The following LSG1 variants were observed in gnomAD, a reference collection of about 807,000 sequenced individuals.
The protein encoded by LSG1 is large 60S subunit nuclear export GTPase 1.
LSG1 carries 55 observed loss-of-function variants against 82.6 expected under a neutral mutation model. The observed-to-expected ratio is 0.67, with a 90% CI of 0.54 to 0.83. LSG1 has a LOEUF of 0.83. Ranked by LOEUF, LSG1 falls within the 40% of genes least tolerant of loss-of-function variation. The probability of loss-of-function intolerance (pLI) is 0.00; values close to 1 mark genes in which losing one functional copy is unlikely to be tolerated. For missense variants in LSG1, 809 were observed against 807.9 expected, an observed-to-expected ratio of 1.00 and a Z score of -0.02; for synonymous variants, 272 against 282.5, an observed-to-expected ratio of 0.96 and a Z score of 0.37.
rs1282000786 is a variant in LSG1 at position 194,665,415 on chromosome 3, T to G, written c.521+142A>C. The G allele has an allele frequency of 4.1e-5, 22 of 542,484 alleles. 1 individual carries two copies. In the South Asian group the frequency reaches 4.3e-4, roughly 11 times the overall value. The allele number at this position is 542,484 out of a possible 1,614,324, so 33.6% of individuals were successfully genotyped here. ...AAACTATACAAAATATACGGTAGTATCATGCTGTGTTTTTATAATTCTCAG... is the reference window on the plus strand; with the variant it reads ...AAACTATACAAAATATACGGTAGTAGCATGCTGTGTTTTTATAATTCTCAG... On this transcript the variant is annotated intron_variant, in intron 5 of 13. Transcript: ENST00000265245.
intron 2 of LSG1, 126 bp from the exon 3 acceptor site, chr3:194,666,698 T>C: frequency 1.3e-6 from 1 of 744,370 alleles, no homozygotes; most frequent in Non-Finnish European, 2.1e-6. Flanking sequence ...TTGATTTAGA[T>C]TCTTCTAGCC....
chr3:194,649,476 G>A (rs1237540684), intron 10 of LSG1, among the ~76,000 whole-genome samples: 1 of 150,132 alleles, frequency 6.7e-6, no homozygotes, highest in African/African-American at 2.5e-5. Context: ...CTGAGGTCAA[G>A]AGTTTGAGAC....
rs949790299 is a variant in LSG1, at chr3:194,644,566, A to C, written c.1797+7T>G. ...ATCAGAAGTTTAAGAAAAGCTTTAA[A>C]ACTTACTTGATGGAAAAAAGTTTTG... is the stretch of plus-strand genomic sequence containing the variant. On this transcript the variant is annotated splice_region_variant and intron_variant, in intron 13 of 13. Transcript: ENST00000265245. 11 of 1,607,404 alleles carry C rather than the reference A, an allele frequency of 6.8e-6. No homozygotes were observed. In the Admixed American group the frequency reaches 1.7e-4, roughly 25 times the overall value.
chr3:194,670,138 A>AT lies in LSG1; in HGVS notation c.100-4dup, dbSNP rs1719115164. 3 of 1,545,462 alleles carry AT rather than the reference A, an allele frequency of 1.9e-6. 1 individual carries two copies. In the East Asian group the frequency reaches 7.4e-5, roughly 38 times the overall value. ...TCATTGAGTTCACTTGTGTGCAACT[A>AT]TGAAAAAACACAGGGTGATAAATAC... On this transcript the variant is annotated splice_polypyrimidine_tract_variant and splice_region_variant and intron_variant, in intron 1 of 13. Transcript: ENST00000265245.
In LSG1 at chr3:194,672,159, C is replaced by T; in HGVS notation, c.4G>A (p.Gly2Ser). ...CCACCGGCCGGGGCTCTCCTCCGGC[C>T]CATGGCAACACGACCGCTGGACGAA... is the stretch of plus-strand genomic sequence containing the variant. MGRRRAPAGGSL... is the reference protein window; with the variant it reads MSRRRAPAGGSL... The change falls in exon 1 of 14, where the codon GGC (glycine) becomes AGC (serine). Residue 2 changes from glycine (G) to serine (S), a missense_variant. Coordinates refer to ENST00000265245, the MANE Select transcript of LSG1 (RefSeq NM_018385.3). 1.9e-6 allele frequency: 3 copies of T among 1,600,748 alleles called. No individual in the cohort carries two copies. The highest frequency in any genetic ancestry group is 2.5e-6 in the Non-Finnish European group (3 of 1,178,426).
chr3:194,646,153 G>A lies in LSG1; in HGVS notation c.1623+11C>T, dbSNP rs952683368. 6.2e-7 allele frequency: 1 copy of A among 1,613,194 alleles called. No homozygotes were observed. Among genetic ancestry groups the A allele is most frequent in the Admixed American group, 1.7e-5 (1 of 59,968 alleles). ...GTGTATTGGAGAGCATGAGAGGCAG[G>A]GTTCACTTACACTGACATAGTCCTT... On this transcript the variant is annotated intron_variant, in intron 12 of 13. Coordinates refer to ENST00000265245, the MANE Select transcript of LSG1 (RefSeq NM_018385.3).
chr3:194,671,912 G>A lies in LSG1; in HGVS notation c.99+152C>T, dbSNP rs1418593273. On this transcript the variant is annotated intron_variant, in intron 1 of 13. Transcript: ENST00000265245. Reference sequence around the variant, plus strand: ...GTGTTCTGGGCCTTGCCAGGAGGAGGGCCTGCTACTCAGCTTGGCAGAAAC... The same window carrying A: ...GTGTTCTGGGCCTTGCCAGGAGGAGAGCCTGCTACTCAGCTTGGCAGAAAC... 1.9e-5 allele frequency: 13 copies of A among 702,448 alleles called. No individual in the cohort carries two copies. The East Asian group carries it at 3.5e-4, about 19-fold the overall frequency. The allele number at this position is 702,448 out of a possible 1,614,324, so 43.5% of individuals were successfully genotyped here.
chr3:194,654,669 A>G (rs1314783871), intron 7 of LSG1, among the ~76,000 whole-genome samples: 1 of 152,194 alleles, frequency 6.6e-6, no homozygotes, highest in African/African-American at 2.4e-5. Flanking sequence ...GCATAAAAAC[A>G]AGAATGTGAA....
In LSG1 at chr3:194,666,550, C is replaced by T. The variant is rs1719034473; in HGVS notation, c.249G>A (p.Val83=). ...GTAGTCCAGTTCTAGCCTCAGCAGG[C>T]ACAAACTTAATATTAAGTTTCTCTG... ...FVAEKLNIKF[V]PAEARTGLLS... Residue 83 remains valine, a synonymous_variant, in exon 3 of 14, where the codon GTG becomes GTA. Transcript: ENST00000265245. 1 of 1,612,096 alleles carries T rather than the reference C, an allele frequency of 6.2e-7. No homozygotes were observed. Among genetic ancestry groups the T allele is most frequent in the Non-Finnish European group, 8.5e-7 (1 of 1,178,834 alleles).
chr3:194,653,757 C>T (rs112735726), intron 7 of LSG1, among the ~76,000 whole-genome samples: 8 of 152,082 alleles, frequency 5.3e-5, no homozygotes, highest in African/African-American at 1.7e-4. Context: ...AACTCTAGGC[C>T]GGGTGCTACG....
At chr3:194,665,077 C>T (rs914473841) in intron 5 of LSG1, among the ~76,000 whole-genome samples, 2 of 152,196 alleles carry the variant, frequency 1.3e-5, no homozygotes, top group Non-Finnish European at 2.9e-5. Context: ...TATTTCACTA[C>T]GTATTAAGTT....
At chr3:194,646,480 G>A (rs1275559845) in intron 11 of LSG1, 6 of 375,384 alleles carry the variant, frequency 1.6e-5, no homozygotes, top group South Asian at 1.1e-4. Context: ...AGACAAATTC[G>A]ATTTCTCTCT....
intron 1 of LSG1, among the ~76,000 whole-genome samples, chr3:194,670,952 T>C (rs958675178): frequency 2.0e-5 from 3 of 152,092 alleles, no homozygotes; most frequent in African/African-American, 4.8e-5. Flanking sequence ...CCAGGCCTGA[T>C]GGTGTGCACC....
intron 7 of LSG1, among the ~76,000 whole-genome samples, chr3:194,658,077 G>A (rs981140855): frequency 6.6e-6 from 1 of 152,032 alleles, no homozygotes; most frequent in Admixed American, 6.5e-5. Context: ...AAAAGGACAG[G>A]GAAAAAGACA....
At chr3:194,671,986 T>C (rs1719146997) in intron 1 of LSG1, 78 bp downstream of exon 1, 1 of 1,365,746 alleles carries the variant, frequency 7.3e-7, no homozygotes, top group Non-Finnish European at 1.0e-6. Flanking sequence ...CTGCAAAACT[T>C]ATCTGACTTT....
chr3:194,652,595 G>A, intron 8 of LSG1, 134 bp downstream of exon 8: 6 of 920,796 alleles, frequency 6.5e-6, no homozygotes, highest in Non-Finnish European at 9.9e-6. Context: ...ATCCCGTGAT[G>A]CCAGTGGGCA....
At chr3:194,652,191 G>A (rs908735450) in intron 8 of LSG1, among the ~76,000 whole-genome samples, 5 of 152,258 alleles carry the variant, frequency 3.3e-5, no homozygotes, top group East Asian at 1.9e-4. Context: ...GTAGCCCCTC[G>A]GGGTTTGCGC....
chr3:194,644,540 G>A (rs1469864652), intron 13 of LSG1, 33 bp downstream of exon 13: 3 of 1,554,710 alleles, frequency 1.9e-6, no homozygotes, highest in Non-Finnish European at 1.8e-6. Context: ...AAGAGTGTTG[G>A]ATCAGAAGTT....
intron 7 of LSG1, among the ~76,000 whole-genome samples, chr3:194,656,515 T>G (rs1480378386): frequency 6.6e-6 from 1 of 151,972 alleles, no homozygotes. Flanking sequence ...CTGGAGAGGA[T>G]GTGGAGAAAT....
Sources: allele counts gnomAD v4.1 joint callset (sites outside exome capture counted in the v4.1 genomes callset), GRCh38; gene constraint gnomAD v4.1.1; transcripts MANE v1.5; gene names NCBI Gene and HGNC (gene_info 2026-07-23, HGNC 2026-07-21).